Variants in CSMD2 observed in about 807,000 individuals in gnomAD.
CSMD2 encodes CUB and Sushi multiple domains 2.
A neutral mutation model predicts 398.5 loss-of-function variants in CSMD2; 130 were observed. The observed-to-expected ratio is 0.33, with a 90% confidence interval of 0.28 to 0.38. CSMD2 has a LOEUF of 0.38. CSMD2 is among the 10% of genes least tolerant of loss of function. The probability of loss-of-function intolerance (pLI) is 1.00; values close to 1 mark genes in which losing one functional copy is unlikely to be tolerated. For synonymous variants in CSMD2, 1,828 were observed against 1,908.5 expected, an observed-to-expected ratio of 0.96 and a Z score of 1.10; for missense variants, 3,829 against 4,764.9, an observed-to-expected ratio of 0.80 and a Z score of 5.78.
chr1:34,142,234 A>G (rs1639366753), intron 1 of CSMD2, among the ~76,000 whole-genome samples: 1 of 152,000 alleles, frequency 6.6e-6, no homozygotes, highest in Non-Finnish European at 1.5e-5. Context: ...TCAGTCTCCA[A>G]ATAGGTTATC....
intron 5 of CSMD2, chr1:33,864,829 C>A: frequency 8.1e-7 from 1 of 1,241,272 alleles, no homozygotes; most frequent in Non-Finnish European, 1.1e-6. Flanking sequence ...ATTAGAGTAG[C>A]TGTGACTGAT....
chr1:34,001,630 G>A (rs754949100), intron 3 of CSMD2, among the ~76,000 whole-genome samples: 63 of 152,162 alleles, frequency 4.1e-4, no homozygotes, highest in Non-Finnish European at 8.8e-4. Context: ...ATCTGACAGT[G>A]GACTCTGGCA....
intron 56 of CSMD2, among the ~76,000 whole-genome samples, chr1:33,549,046 A>G (rs1054865851): frequency 1.3e-5 from 2 of 152,214 alleles, no homozygotes; most frequent in African/African-American, 2.4e-5. Context: ...TTCCTGGGCA[A>G]CCAACAGCCC....
chr1:33,898,808 G>A (rs934214125), intron 5 of CSMD2, among the ~76,000 whole-genome samples: 1 of 152,186 alleles, frequency 6.6e-6, no homozygotes, highest in African/African-American at 2.4e-5. Context: ...TGGAGGCCAC[G>A]TCAGCGTCCA....
chr1:33,689,429 C>A (rs1645163023), intron 25 of CSMD2, among the ~76,000 whole-genome samples: 1 of 152,138 alleles, frequency 6.6e-6, no homozygotes, highest in African/African-American at 2.4e-5. Context: ...AGCATGCCCC[C>A]CATGACTTCA....
intron 2 of CSMD2, among the ~76,000 whole-genome samples, chr1:34,042,601 T>C (rs905545769): frequency 3.3e-5 from 5 of 152,188 alleles, no homozygotes; most frequent in African/African-American, 1.2e-4. Flanking sequence ...TTGCTGGGAC[T>C]GGTTCCCTAG....
intron 41 of CSMD2, 35 bp downstream of exon 41, chr1:33,611,006 G>C (rs774938535): frequency 1.3e-6 from 2 of 1,590,982 alleles, no homozygotes; most frequent in Non-Finnish European, 1.7e-6. Flanking sequence ...GATGGAGATA[G>C]ACAGAGAAGC....
At chr1:33,945,386 G>A (rs78332281) in intron 3 of CSMD2, among the ~76,000 whole-genome samples, 1,572 of 152,260 alleles carry the variant, frequency 0.01, 32 homozygotes, top group African/African-American at 0.035. Context: ...CTGACCCAGA[G>A]GGAAGAGGTA....
chr1:33,649,613 C>A (rs1643647495), intron 28 of CSMD2, among the ~76,000 whole-genome samples: 1 of 152,214 alleles, frequency 6.6e-6, no homozygotes, highest in South Asian at 2.1e-4. Context: ...CACTGTACTC[C>A]AGCCTGGGTG....
intron 3 of CSMD2, among the ~76,000 whole-genome samples, chr1:33,964,650 TTCTGA>T (rs1199345971): frequency 6.6e-6 from 1 of 152,192 alleles, no homozygotes; most frequent in Non-Finnish European, 1.5e-5. Context: ...TCTTCTCTCC[TTCTGA>T]TCTGTCCAGG....
chr1:33,616,489 C>T (rs576254287), intron 39 of CSMD2, among the ~76,000 whole-genome samples: 17 of 152,288 alleles, frequency 1.1e-4, no homozygotes, highest in South Asian at 4.1e-4. Flanking sequence ...CCGCCTGACT[C>T]GGCCTCCCAA....
Position 33,633,594 on chromosome 1 carries a change from C to T in CSMD2, c.5087-59G>A. ...GCACGCTGGGGGCAGGAGAGGGGAT[C>T]TAGGGGTCTAGGGGCCCAAGCCAGG... On this transcript the variant is annotated intron_variant, in intron 31 of 70. Coordinates refer to ENST00000373381, the MANE Select transcript of CSMD2 (RefSeq NM_001281956.2). The surrounding 1 kb of genome is among the most constrained non-coding windows in gnomAD (Gnocchi z 5.0). 1 of 1,271,562 alleles carries T rather than the reference C, an allele frequency of 7.9e-7. No homozygotes were observed. Among genetic ancestry groups the T allele is most frequent in the South Asian group, 1.3e-5 (1 of 78,278 alleles). The allele number at this position is 1,271,562 out of a possible 1,614,324, so 78.8% of individuals were successfully genotyped here.
At chr1:33,601,262 C>T (rs1640198847) in intron 43 of CSMD2, among the ~76,000 whole-genome samples, 1 of 152,218 alleles carries the variant, frequency 6.6e-6, no homozygotes, top group Non-Finnish European at 1.5e-5. Context: ...CCAATGGGCT[C>T]CTGGGCAAAT....
chr1:33,864,059 GC>G lies in CSMD2; in HGVS notation c.921-17064del, dbSNP rs1639763969. ...ATGCCATCAGCACTGAAAAGGCTGA[GC>G]CCTGACTACAGCTCTTGCAGACAGA... On this transcript the variant is annotated intron_variant, in intron 5 of 70. Transcript: ENST00000373381. 3.7e-6 allele frequency: 3 copies of G among 814,960 alleles called. No homozygotes were observed. In the African/African-American group the frequency reaches 5.2e-5, roughly 14 times the overall value. The allele number at this position is 814,960 out of a possible 1,614,324, so 50.5% of individuals were successfully genotyped here.
At chr1:34,038,732 A>C (rs745480720) in intron 2 of CSMD2, among the ~76,000 whole-genome samples, 11 of 152,222 alleles carry the variant, frequency 7.2e-5, no homozygotes, top group Non-Finnish European at 1.3e-4. Flanking sequence ...CCAAGGGCAA[A>C]GGAAGTGGTC....
intron 11 of CSMD2, among the ~76,000 whole-genome samples, chr1:33,790,344 A>T (rs926637023): frequency 6.6e-6 from 1 of 152,208 alleles, no homozygotes; most frequent in Non-Finnish European, 1.5e-5. Context: ...GCCCTCTCCA[A>T]GGTGGGTGGA....
At chr1:34,140,306 A>G (rs1465855886) in intron 1 of CSMD2, among the ~76,000 whole-genome samples, 47 of 116,056 alleles carry the variant, frequency 4.0e-4, no homozygotes, top group African/African-American at 1.3e-3. Flanking sequence ...AAAAACAAAC[A>G]AACAAACAAA....
At chr1:33,925,306 C>T (rs1644088715) in intron 4 of CSMD2, among the ~76,000 whole-genome samples, 1 of 152,088 alleles carries the variant, frequency 6.6e-6, no homozygotes, top group Non-Finnish European at 1.5e-5. Flanking sequence ...AGCAAGCGTC[C>T]TTCCCCTAAT....
At chr1:33,584,080 G>A (rs1053439204) in intron 46 of CSMD2, among the ~76,000 whole-genome samples, 1 of 152,114 alleles carries the variant, frequency 6.6e-6, no homozygotes, top group Non-Finnish European at 1.5e-5. Flanking sequence ...ATAAGTTGTG[G>A]GTTCTACTAC....
Sources: allele counts gnomAD v4.1 joint callset (sites outside exome capture counted in the v4.1 genomes callset), GRCh38; gene constraint gnomAD v4.1.1; non-coding constraint Gnocchi (gnomAD v3.1); transcripts MANE v1.5; gene names NCBI Gene and HGNC (gene_info 2026-07-23, HGNC 2026-07-21).